The following SRD5A2 variants were observed in gnomAD, a reference collection of about 807,000 sequenced individuals.
SRD5A2 encodes the protein steroid 5 alpha-reductase 2, also known as 3-oxo-5-alpha-steroid 4-dehydrogenase 2.
A neutral mutation model predicts 27.4 loss-of-function variants in SRD5A2; 30 were observed. The ratio of observed to expected loss-of-function variants is 1.10; its 90% CI spans 0.82 to 1.49. The LOEUF (loss-of-function observed/expected upper bound fraction) is 1.49, where lower values mean the gene tolerates loss of function less well. Among genes scored for constraint, SRD5A2 ranks in the 40% most tolerant of loss-of-function variants. The pLI is 0.00. For synonymous variants in SRD5A2, 141 were observed against 133.6 expected (o/e 1.06, Z -0.38); for missense variants, 348 against 323.4 (o/e 1.08, Z -0.58).
chr2:31,544,274 G>C (rs1368102606), intron 1 of SRD5A2, among the ~76,000 whole-genome samples: 1 of 151,698 alleles, frequency 6.6e-6, no homozygotes. Flanking sequence ...AAAATGAATA[G>C]AATAACTAGA....
At chr2:31,596,908 G>A in the SRD5A2 span, among the ~76,000 whole-genome samples, 1 of 152,046 alleles carries the variant, frequency 6.6e-6, no homozygotes, top group Non-Finnish European at 1.5e-5. Flanking sequence ...TTGTGAAAGT[G>A]ACCACCCTGC....
At chr2:31,627,159 G>C in the SRD5A2 span, among the ~76,000 whole-genome samples, 1 of 152,108 alleles carries the variant, frequency 6.6e-6, no homozygotes, top group Non-Finnish European at 1.5e-5. Flanking sequence ...AGTATTTATA[G>C]TATTATCTCA....
At chr2:31,582,681 T>G (rs1485090818), upstream of SRD5A2, among the ~76,000 whole-genome samples, 1 of 152,138 alleles carries the variant, frequency 6.6e-6, no homozygotes, top group African/African-American at 2.4e-5. Context: ...GCTGGAAAAC[T>G]CCACTTACAT....
At chr2:31,553,289 A>G (rs1220852230) in intron 1 of SRD5A2, among the ~76,000 whole-genome samples, 1 of 152,184 alleles carries the variant, frequency 6.6e-6, no homozygotes, top group Non-Finnish European at 1.5e-5. Flanking sequence ...AGACATCATC[A>G]AGACAACAAA....
chr2:31,563,435 G>A (rs1036864268), intron 1 of SRD5A2: 1 of 151,986 alleles, frequency 6.6e-6, no homozygotes, highest in African/African-American at 2.4e-5. Flanking sequence ...CTGGATATTA[G>A]GCAATGAAAA....
At chr2:31,545,442 T>C (rs538204323) in intron 1 of SRD5A2, among the ~76,000 whole-genome samples, 1 of 152,126 alleles carries the variant, frequency 6.6e-6, no homozygotes, top group Non-Finnish European at 1.5e-5. Flanking sequence ...TCAATCAGTG[T>C]AATCCATAGC....
At chr2:31,554,924 C>CGTGTGTGTGTGTGTGTGT (rs59697517) in intron 1 of SRD5A2, among the ~76,000 whole-genome samples, 3 of 132,204 alleles carry the variant, frequency 2.3e-5, no homozygotes, top group East Asian at 4.5e-4. Context: ...CTATCCTGAT[C>CGTGTGTGTGTGTGTGTGT]GTGTGTGTGT....
chr2:31,661,642 C>G, the SRD5A2 span, among the ~76,000 whole-genome samples: 1 of 152,118 alleles, frequency 6.6e-6, no homozygotes, highest in Non-Finnish European at 1.5e-5. Flanking sequence ...TTGACTCTTA[C>G]GTTATTTAGT....
chr2:31,612,335 GCAA>G, the SRD5A2 span, among the ~76,000 whole-genome samples: 178 of 149,780 alleles, frequency 1.2e-3, no homozygotes, highest in African/African-American at 4.2e-3. Context: ...ATTGAGTCAT[GCAA>G]CAACAACAAC....
In SRD5A2 at chr2:31,545,613, C is replaced by T. The variant is rs541661285; in HGVS notation, c.282-11847G>A. ...CTGTATATTAAAAACCCAAAGCAAA[C>T]GTACTCAAAGATGAAAGCTCTTCTT... is the stretch of plus-strand genomic sequence containing the variant. On this transcript the variant is annotated intron_variant, in intron 1 of 4. Coordinates refer to ENST00000622030, the MANE Select transcript of SRD5A2 (RefSeq NM_000348.4). 1.4e-3 allele frequency among the ~76,000 whole-genome samples: 211 copies of T among 152,246 alleles called. 1 individual carries two copies. The highest frequency in any genetic ancestry group is 4.9e-3 in the African/African-American group (204 of 41,566).
At chr2:31,610,414 A>G in the SRD5A2 span, among the ~76,000 whole-genome samples, 1 of 152,216 alleles carries the variant, frequency 6.6e-6, no homozygotes, top group African/African-American at 2.4e-5. Context: ...ACAAAGTAGA[A>G]AAAGAATTTG....
the SRD5A2 span, among the ~76,000 whole-genome samples, chr2:31,599,244 AC>A: frequency 6.6e-6 from 1 of 152,076 alleles, no homozygotes; most frequent in African/African-American, 2.4e-5. Context: ...TCAGCATTGA[AC>A]ATATCTTCCA....
At position 31,576,015 on chromosome 2, in the gene SRD5A2, A is replaced by G. The variant is rs1666952985; in HGVS notation, c.281+4605T>C. Among the ~76,000 whole-genome samples the G allele has an allele frequency of 2.6e-5, 4 of 152,142 alleles. No individual in the cohort carries two copies. The South Asian group carries it at 8.3e-4, about 32-fold the overall frequency. On this transcript the variant is annotated intron_variant, in intron 1 of 4. Transcript: ENST00000622030. Reference sequence around the variant, plus strand: ...GGTGAGATGGATGGATTAAAGATTTAAACGTTAGACCTAAAACCATAAAAA... The same window carrying G: ...GGTGAGATGGATGGATTAAAGATTTGAACGTTAGACCTAAAACCATAAAAA...
chr2:31,596,691 T>A, the SRD5A2 span, among the ~76,000 whole-genome samples: 1 of 151,964 alleles, frequency 6.6e-6, no homozygotes, highest in African/African-American at 2.4e-5. Context: ...CTGCTATACA[T>A]CATCAGAGAC....
At chr2:31,603,480 T>G in the SRD5A2 span, among the ~76,000 whole-genome samples, 3 of 152,024 alleles carry the variant, frequency 2.0e-5, no homozygotes, top group Non-Finnish European at 4.4e-5. Flanking sequence ...TGGAAGACAG[T>G]GTAGTAATTC....
At chr2:31,653,832 G>C in the SRD5A2 span, among the ~76,000 whole-genome samples, 4 of 152,180 alleles carry the variant, frequency 2.6e-5, no homozygotes, top group East Asian at 5.8e-4. Context: ...GCTAATTTTT[G>C]TATTTTTAGT....
the SRD5A2 span, among the ~76,000 whole-genome samples, chr2:31,623,290 TATAAA>T: frequency 7.9e-5 from 12 of 151,924 alleles, no homozygotes; most frequent in Non-Finnish European, 1.5e-4. Context: ...CTAAGATAAA[TATAAA>T]ATAAACAGCA....
chr2:31,644,395 C>T, the SRD5A2 span, among the ~76,000 whole-genome samples: 2 of 152,182 alleles, frequency 1.3e-5, no homozygotes, highest in African/African-American at 2.4e-5. Flanking sequence ...ACCTATAAAG[C>T]GTTGGTCCTC....
the SRD5A2 span, among the ~76,000 whole-genome samples, chr2:31,600,328 A>G: frequency 6.6e-6 from 1 of 151,982 alleles, no homozygotes; most frequent in African/African-American, 2.4e-5. Flanking sequence ...AATGATTTAT[A>G]TTCCTTTGGT....
Sources: gnomAD v4.1 joint callset for allele counts (sites outside exome capture counted in the v4.1 genomes callset) on GRCh38, gnomAD v4.1.1 for gene constraint, MANE v1.5 for transcripts, NCBI Gene and HGNC (gene_info 2026-07-23, HGNC 2026-07-21) for gene names.